MTX2: variants seen among roughly 807,000 people sequenced by gnomAD.
The protein encoded by MTX2 is metaxin-2.
In MTX2, 35 loss-of-function variants were observed where a neutral mutation model predicts 42.3. That is an observed-to-expected ratio of 0.83 (90% CI 0.63 to 1.10). The LOEUF (loss-of-function observed/expected upper bound fraction) is 1.10, where lower values mean the gene tolerates loss of function less well. Among genes scored for constraint, MTX2 ranks in the 50% least tolerant of loss-of-function variants. The pLI is 0.00. For missense variants in MTX2, 307 were observed against 304.1 expected, an observed-to-expected ratio of 1.01 and a Z score of -0.07; for synonymous variants, 119 against 100.9, an observed-to-expected ratio of 1.18 and a Z score of -1.08.
intron 3 of MTX2, among the ~76,000 whole-genome samples, chr2:176,321,558 G>T (rs1192072092): frequency 1.3e-5 from 2 of 152,038 alleles, no homozygotes; most frequent in Non-Finnish European, 2.9e-5. Context: ...CAAGAACCTG[G>T]GCCCCTTTAC....
chr2:176,331,251 ACT>A (rs926567254), intron 9 of MTX2, among the ~76,000 whole-genome samples: 5 of 151,152 alleles, frequency 3.3e-5, no homozygotes, highest in South Asian at 2.1e-4. Context: ...TTTTGAAAAG[ACT>A]CTAATGAAGG....
chr2:176,308,691 A>G (rs979110147), intron 3 of MTX2, among the ~76,000 whole-genome samples: 1 of 152,140 alleles, frequency 6.6e-6, no homozygotes, highest in African/African-American at 2.4e-5. Flanking sequence ...AGGTGTTTAT[A>G]GTATTCTCTG....
intron 3 of MTX2, among the ~76,000 whole-genome samples, chr2:176,308,724 G>A (rs370216304): frequency 1.1e-4 from 17 of 152,240 alleles, no homozygotes; most frequent in African/African-American, 3.6e-4. Context: ...ATTTCTTTGG[G>A]ATCGTTGGTG....
intron 2 of MTX2, 108 bp downstream of exon 2, chr2:176,297,015 GGATTCCCT>G: frequency 1.7e-6 from 2 of 1,196,848 alleles, no homozygotes; most frequent in East Asian, 4.8e-5. Context: ...TGTAAAGAAG[GGATTCCCT>G]TGTATAATTT....
intron 8 of MTX2, among the ~76,000 whole-genome samples, 185 bp from the exon 9 acceptor site, chr2:176,330,399 A>G (rs1039474754): frequency 1.3e-5 from 2 of 149,688 alleles, no homozygotes; most frequent in Admixed American, 1.3e-4. Flanking sequence ...AGTATTTCTT[A>G]TAAGTATTTC....
intron 4 of MTX2, among the ~76,000 whole-genome samples, chr2:176,324,589 C>T (rs1448469145): frequency 6.6e-6 from 1 of 151,500 alleles, no homozygotes; most frequent in Non-Finnish European, 1.5e-5. Flanking sequence ...GTCATACAAA[C>T]AGTTTGTATA....
At chr2:176,316,618 G>A (rs1249456982) in intron 3 of MTX2, among the ~76,000 whole-genome samples, 1 of 152,014 alleles carries the variant, frequency 6.6e-6, no homozygotes, top group African/African-American at 2.4e-5. Context: ...GCCCAGGCTG[G>A]TCTTGAACTC....
chr2:176,312,527 A>G (rs1160367279), intron 3 of MTX2, among the ~76,000 whole-genome samples: 1 of 152,172 alleles, frequency 6.6e-6, no homozygotes, highest in Non-Finnish European at 1.5e-5. Context: ...TTATGTAATT[A>G]TATATATTGA....
At chr2:176,282,381 A>AG (rs2105399843) in intron 1 of MTX2, among the ~76,000 whole-genome samples, 1 of 152,156 alleles carries the variant, frequency 6.6e-6, no homozygotes, top group African/African-American at 2.4e-5. Context: ...CATCTAGTTT[A>AG]GTAAGCCTTT....
chr2:176,281,354 T>G (rs1410921437), intron 1 of MTX2, among the ~76,000 whole-genome samples: 1 of 152,172 alleles, frequency 6.6e-6, no homozygotes, highest in Non-Finnish European at 1.5e-5. Flanking sequence ...TTCACTTGTA[T>G]CTCTGACAGT....
At chr2:176,288,867 C>T (rs1196229182) in intron 1 of MTX2, among the ~76,000 whole-genome samples, 2 of 151,856 alleles carry the variant, frequency 1.3e-5, no homozygotes, top group African/African-American at 4.8e-5. Context: ...TTCTCTTAAT[C>T]CTCTTATATT....
chr2:176,322,836 A>T (rs565572293), intron 3 of MTX2, among the ~76,000 whole-genome samples: 14 of 152,102 alleles, frequency 9.2e-5, no homozygotes, highest in African/African-American at 2.6e-4. Flanking sequence ...AATTGCTTAT[A>T]ACATTTTTGT....
chr2:176,275,406 T>C (rs1257886496), intron 1 of MTX2, among the ~76,000 whole-genome samples: 1 of 151,940 alleles, frequency 6.6e-6, no homozygotes, highest in Non-Finnish European at 1.5e-5. Context: ...GCCCAGCTAA[T>C]TTTTATATTT....
chr2:176,320,831 A>T (rs1457840957), intron 3 of MTX2, among the ~76,000 whole-genome samples: 1 of 151,894 alleles, frequency 6.6e-6, no homozygotes, highest in Admixed American at 6.6e-5. Flanking sequence ...AGTAGCTGAG[A>T]CTAAAGGTGT....
At chr2:176,319,442 CTT>C (rs71004269) in intron 3 of MTX2, among the ~76,000 whole-genome samples, 1,800 of 130,498 alleles carry the variant, frequency 0.014, 16 homozygotes, top group East Asian at 0.04. Flanking sequence ...TTTGGCTTTG[CTT>C]TTTTTTTTTT....
intron 3 of MTX2, among the ~76,000 whole-genome samples, chr2:176,298,486 T>C (rs1683946303): frequency 6.6e-6 from 1 of 152,134 alleles, no homozygotes; most frequent in African/African-American, 2.4e-5. Context: ...TTAGTGCCCC[T>C]GTAAACTTTA....
rs561977034 is a variant in MTX2 at position 176,323,603 on chromosome 2, T to C, written c.208+139T>C. 3 of 745,782 alleles carry C rather than the reference T, an allele frequency of 4.0e-6. No homozygotes were observed. The South Asian group carries it at 6.2e-5, about 15-fold the overall frequency. 46.2% of individuals were successfully genotyped at this position (745,782 alleles called of 1,614,324 possible). A position where few individuals can be genotyped will look rare whatever the true frequency, so the allele number is the denominator to read the frequency against. On this transcript the variant is annotated intron_variant, in intron 4 of 9. Coordinates refer to ENST00000249442, the MANE Select transcript of MTX2 (RefSeq NM_006554.5). ...AGAATCTTTCCATGGTTTTAGAAAG[T>C]AACAATTGCAAATTTGACAATCTTG...
chr2:176,311,687 G>C (rs1684311577), intron 3 of MTX2, among the ~76,000 whole-genome samples: 1 of 152,226 alleles, frequency 6.6e-6, no homozygotes, highest in African/African-American at 2.4e-5. Flanking sequence ...GCAAGGCTCT[G>C]TGGGCGTGGG....
chr2:176,294,708 A>T (rs1278350851), intron 1 of MTX2, among the ~76,000 whole-genome samples: 2 of 152,212 alleles, frequency 1.3e-5, no homozygotes, highest in Non-Finnish European at 2.9e-5. Flanking sequence ...CATATGTTTA[A>T]TGCTAGTGTA....
Sources: gnomAD v4.1 joint callset for allele counts (sites outside exome capture counted in the v4.1 genomes callset) on GRCh38, gnomAD v4.1.1 for gene constraint, MANE v1.5 for transcripts, NCBI Gene and HGNC (gene_info 2026-07-23, HGNC 2026-07-21) for gene names.